The following FSTL5 variants were observed in gnomAD, a reference collection of about 807,000 sequenced individuals.
FSTL5 encodes follistatin-related protein 5.
Under a neutral mutation model 89.1 loss-of-function variants are expected in FSTL5, and 62 were observed. The observed-to-expected ratio is 0.70, with a 90% CI of 0.57 to 0.86. The LOEUF is 0.86. FSTL5 is among the 40% of genes least tolerant of loss of function. The pLI, the probability that FSTL5 is intolerant of heterozygous loss-of-function variation, is 0.00. For synonymous variants in FSTL5, 383 were observed against 346.2 expected, an observed-to-expected ratio of 1.11 and a Z score of -1.18; for missense variants, 1,057 against 1,001.6, an observed-to-expected ratio of 1.06 and a Z score of -0.75.
At chr4:161,909,567 T>G (rs1733634165) in intron 4 of FSTL5, among the ~76,000 whole-genome samples, 1 of 152,146 alleles carries the variant, frequency 6.6e-6, no homozygotes, top group Non-Finnish European at 1.5e-5. Flanking sequence ...TCCTAAAATT[T>G]CCCAAACCTT....
intron 12 of FSTL5, among the ~76,000 whole-genome samples, chr4:161,483,039 G>A (rs914422040): frequency 6.6e-6 from 1 of 152,166 alleles, no homozygotes; most frequent in Non-Finnish European, 1.5e-5. Flanking sequence ...GTGACTACTC[G>A]GGAGGTCAAC....
At chr4:161,647,221 T>C (rs1181728796) in intron 7 of FSTL5, among the ~76,000 whole-genome samples, 2 of 152,194 alleles carry the variant, frequency 1.3e-5, no homozygotes, top group East Asian at 1.9e-4. Flanking sequence ...TGCATGTGAA[T>C]ATCCAGTCCT....
chr4:161,512,981 G>T (rs1292458995), intron 10 of FSTL5, among the ~76,000 whole-genome samples: 1 of 151,770 alleles, frequency 6.6e-6, no homozygotes, highest in Admixed American at 6.6e-5. Context: ...ATCTTCAAGG[G>T]TGGCCACGAA....
chr4:161,889,157 A>C (rs1732907854), intron 4 of FSTL5, among the ~76,000 whole-genome samples: 1 of 152,180 alleles, frequency 6.6e-6, no homozygotes, highest in Non-Finnish European at 1.5e-5. Flanking sequence ...GAGTCAACCA[A>C]GCTTTGAGTA....
At chr4:161,544,927 A>G (rs1013672396) in intron 8 of FSTL5, among the ~76,000 whole-genome samples, 1 of 152,004 alleles carries the variant, frequency 6.6e-6, no homozygotes, top group Non-Finnish European at 1.5e-5. Context: ...AGTGATGAAT[A>G]CAATCTGAAA....
At chr4:161,449,150 C>T (rs1203215179) in intron 15 of FSTL5, among the ~76,000 whole-genome samples, 1 of 152,054 alleles carries the variant, frequency 6.6e-6, no homozygotes, top group African/African-American at 2.4e-5. Context: ...TTAGAAATAT[C>T]TCTATTCATC....
At chr4:161,994,771 T>G (rs1201202389) in intron 3 of FSTL5, among the ~76,000 whole-genome samples, 2 of 152,234 alleles carry the variant, frequency 1.3e-5, no homozygotes, top group Non-Finnish European at 2.9e-5. Context: ...TTCTACAAGC[T>G]GGATATTAGA....
At chr4:161,526,630 T>G (rs960410328) in intron 10 of FSTL5, among the ~76,000 whole-genome samples, 2 of 152,234 alleles carry the variant, frequency 1.3e-5, no homozygotes, top group South Asian at 4.1e-4. Context: ...TGTATAAGGT[T>G]TAAGGAAGGG....
At chr4:161,454,348 TCTC>T (rs950087817) in intron 15 of FSTL5, among the ~76,000 whole-genome samples, 2 of 152,166 alleles carry the variant, frequency 1.3e-5, no homozygotes, top group African/African-American at 2.4e-5. Flanking sequence ...ATCCCAACCT[TCTC>T]CTCATTTTAG....
chr4:161,449,324 G>T (rs947714369), intron 15 of FSTL5, among the ~76,000 whole-genome samples: 5 of 152,100 alleles, frequency 3.3e-5, no homozygotes, highest in Non-Finnish European at 7.3e-5. Flanking sequence ...CCTAACTGCT[G>T]CATTTTCCTC....
chr4:161,691,432 A>G (rs1737938698), intron 6 of FSTL5, among the ~76,000 whole-genome samples: 1 of 152,118 alleles, frequency 6.6e-6, no homozygotes, highest in African/African-American at 2.4e-5. Flanking sequence ...CTTGATTGTT[A>G]TATTTTTGCA....
chr4:162,151,856 AC>A (rs1206610165), intron 1 of FSTL5, among the ~76,000 whole-genome samples: 1 of 152,206 alleles, frequency 6.6e-6, no homozygotes. Context: ...CTACCTGAAG[AC>A]TATTTTTGAG....
chr4:161,393,844 A>G (rs1357652876), intron 15 of FSTL5, among the ~76,000 whole-genome samples: 4 of 152,128 alleles, frequency 2.6e-5, no homozygotes, highest in Non-Finnish European at 2.9e-5. Flanking sequence ...CAAGGAGCCA[A>G]TGGTGGGGGC....
intron 4 of FSTL5, among the ~76,000 whole-genome samples, chr4:161,919,853 A>C (rs1012932270): frequency 6.6e-6 from 1 of 152,214 alleles, no homozygotes; most frequent in Non-Finnish European, 1.5e-5. Flanking sequence ...CAAATGCATG[A>C]AAGTGAATAC....
chr4:161,892,651 G>T (rs954244612), intron 4 of FSTL5, among the ~76,000 whole-genome samples: 5 of 151,952 alleles, frequency 3.3e-5, no homozygotes, highest in African/African-American at 1.2e-4. Context: ...TAAAAATTCA[G>T]TAATTTCCAC....
At chr4:162,063,329 TTC>T (rs1483034834) in intron 2 of FSTL5, among the ~76,000 whole-genome samples, 13 of 151,876 alleles carry the variant, frequency 8.6e-5, no homozygotes, top group Admixed American at 5.9e-4. Flanking sequence ...TTTTATAAAC[TTC>T]TCTTATACAA....
chr4:161,788,670 G>C (rs192844765), intron 4 of FSTL5, among the ~76,000 whole-genome samples: 134 of 152,274 alleles, frequency 8.8e-4, no homozygotes, highest in African/African-American at 3.2e-3. Context: ...AGGATCTCTT[G>C]AGACCAGGAG....
intron 4 of FSTL5, among the ~76,000 whole-genome samples, chr4:161,819,729 C>T (rs1730434722): frequency 6.6e-6 from 1 of 151,936 alleles, no homozygotes; most frequent in Non-Finnish European, 1.5e-5. Context: ...AAATAATCTC[C>T]TTTGCAAGCT....
intron 7 of FSTL5, among the ~76,000 whole-genome samples, chr4:161,617,320 T>C (rs1393932877): frequency 1.3e-5 from 2 of 152,062 alleles, no homozygotes; most frequent in Non-Finnish European, 2.9e-5. Context: ...ATAGAAATTA[T>C]GCCACAAATA....
Sources: gnomAD v4.1 joint callset for allele counts (sites outside exome capture counted in the v4.1 genomes callset) on GRCh38, gnomAD v4.1.1 for gene constraint, MANE v1.5 for transcripts, NCBI Gene and HGNC (gene_info 2026-07-23, HGNC 2026-07-21) for gene names.